DLGAP2: variants seen among roughly 807,000 people sequenced by gnomAD.
DLGAP2 encodes the protein DLG associated protein 2.
In DLGAP2, 26 loss-of-function variants were observed where a neutral mutation model predicts 100.3. The observed-to-expected ratio is 0.26, with a 90% CI of 0.19 to 0.36. The LOEUF is 0.36. DLGAP2 is among the 10% of genes least tolerant of loss of function. DLGAP2 has a pLI of 1.00. For missense variants in DLGAP2, 1,858 were observed against 1,453.2 expected (o/e 1.28, Z -4.53); for synonymous variants, 886 against 630.1 (o/e 1.41, Z -6.08).
At chr8:1,333,899 T>G (rs550113646) in intron 3 of DLGAP2, among the ~76,000 whole-genome samples, 1 of 152,362 alleles carries the variant, frequency 6.6e-6, no homozygotes, top group Admixed American at 6.5e-5. Context: ...GGTGCATCCT[T>G]GCCTCCCATC....
chr8:1,592,666 A>AT (rs1796327665), intron 6 of DLGAP2, among the ~76,000 whole-genome samples: 2 of 151,998 alleles, frequency 1.3e-5, no homozygotes, highest in South Asian at 2.1e-4. Context: ...TCCGTGTGTC[A>AT]TTTTTCTGTA....
chr8:1,433,612 G>A (rs1007538127), intron 3 of DLGAP2, among the ~76,000 whole-genome samples: 1 of 143,844 alleles, frequency 7.0e-6, no homozygotes, highest in African/African-American at 2.5e-5. Context: ...GGCAGCCAAC[G>A]CAGCTGACCG....
chr8:770,693 G>A (rs984117579), intron 1 of DLGAP2, among the ~76,000 whole-genome samples: 2 of 152,158 alleles, frequency 1.3e-5, no homozygotes, highest in African/African-American at 4.8e-5. Context: ...TGTGGGATGT[G>A]ATTGCTGGGC....
intron 2 of DLGAP2, among the ~76,000 whole-genome samples, chr8:1,142,571 G>A (rs1412024248): frequency 6.6e-6 from 1 of 152,204 alleles, no homozygotes; most frequent in African/African-American, 2.4e-5. Flanking sequence ...GTGAAGAGCT[G>A]AAAAGGGCAG....
chr8:1,105,780 G>C (rs1804739994), intron 2 of DLGAP2, among the ~76,000 whole-genome samples: 1 of 148,060 alleles, frequency 6.8e-6, no homozygotes, highest in Admixed American at 6.7e-5. Context: ...ATTCTAGGAG[G>C]GTTTTCTACT....
At chr8:1,410,382 A>C (rs545490555) in intron 3 of DLGAP2, among the ~76,000 whole-genome samples, 1 of 152,164 alleles carries the variant, frequency 6.6e-6, no homozygotes, top group Non-Finnish European at 1.5e-5. Flanking sequence ...AGCAGACGCC[A>C]GTCTGACCCC....
intron 11 of DLGAP2, among the ~76,000 whole-genome samples, 171 bp from the exon 12 acceptor site, chr8:1,678,043 A>G (rs150452439): frequency 1.3e-5 from 2 of 152,346 alleles, no homozygotes; most frequent in East Asian, 1.9e-4. Context: ...GCAAAACCAA[A>G]TGTTCTTCCA....
intron 2 of DLGAP2, among the ~76,000 whole-genome samples, chr8:938,631 C>A (rs768870605): frequency 2.0e-5 from 3 of 152,220 alleles, no homozygotes; most frequent in Non-Finnish European, 2.9e-5. Flanking sequence ...GATGGCCACA[C>A]TGGCCTCCTG....
At chr8:1,039,096 G>GCCAACCTGC in intron 2 of DLGAP2, among the ~76,000 whole-genome samples, 1 of 152,258 alleles carries the variant, frequency 6.6e-6, no homozygotes, top group East Asian at 1.9e-4. Flanking sequence ...CCTCATTGGA[G>GCCAACCTGC]CAAACTCACC....
chr8:1,586,598 A>G (rs1796128207), intron 6 of DLGAP2, among the ~76,000 whole-genome samples: 1 of 152,184 alleles, frequency 6.6e-6, no homozygotes, highest in African/African-American at 2.4e-5. Context: ...CTTGATGTGT[A>G]GCGTAACGTG....
At chr8:784,992 G>A (rs1032492728) in intron 1 of DLGAP2, among the ~76,000 whole-genome samples, 6 of 151,920 alleles carry the variant, frequency 3.9e-5, no homozygotes, top group African/African-American at 1.5e-4. Flanking sequence ...CGGATCACAA[G>A]GTCAGGAGAT....
At chr8:1,187,005 G>T (rs1008141287) in intron 2 of DLGAP2, among the ~76,000 whole-genome samples, 3 of 152,090 alleles carry the variant, frequency 2.0e-5, no homozygotes, top group Non-Finnish European at 4.4e-5. Context: ...ATCTAAGCCC[G>T]GCCTCAGTGC....
At position 1,483,098 on chromosome 8, in the gene DLGAP2, G is replaced by T. The variant is rs559666304; in HGVS notation, c.107-18268G>T. 3.0e-4 allele frequency among the ~76,000 whole-genome samples: 45 copies of T among 152,294 alleles called. No homozygotes were observed. In the East Asian group the frequency reaches 8.6e-3, roughly 29 times the overall value. On this transcript the variant is annotated intron_variant, in intron 3 of 14. Coordinates refer to ENST00000637795, the MANE Select transcript of DLGAP2 (RefSeq NM_001346810.2). ...GCAAGGGAGCCCCGCGGCAGCCTGG[G>T]AGATAAACCACGCTCGGTGCCGGCA...
chr8:1,219,514 T>G (rs1221111211), intron 2 of DLGAP2, among the ~76,000 whole-genome samples: 1 of 152,148 alleles, frequency 6.6e-6, no homozygotes, highest in Non-Finnish European at 1.5e-5. Context: ...TGGATTTGAT[T>G]TGTTAGTATT....
intron 3 of DLGAP2, among the ~76,000 whole-genome samples, chr8:1,460,338 G>T (rs1188119436): frequency 6.6e-6 from 1 of 152,160 alleles, no homozygotes. Flanking sequence ...CTAAACCACG[G>T]GCTCTGATGT....
intron 1 of DLGAP2, among the ~76,000 whole-genome samples, chr8:880,134 G>A (rs1034404884): frequency 2.0e-5 from 3 of 152,048 alleles, no homozygotes; most frequent in Admixed American, 6.5e-5. Flanking sequence ...CTTTGCATCC[G>A]TGGTGTTTGT....
intron 2 of DLGAP2, among the ~76,000 whole-genome samples, chr8:1,155,540 A>C (rs1222364059): frequency 6.6e-6 from 1 of 152,046 alleles, no homozygotes; most frequent in Non-Finnish European, 1.5e-5. Flanking sequence ...ACGACAGCAT[A>C]TGTGATGTGT....
chr8:770,426 A>T (rs1821327221), intron 1 of DLGAP2, among the ~76,000 whole-genome samples: 1 of 152,158 alleles, frequency 6.6e-6, no homozygotes, highest in Non-Finnish European at 1.5e-5. Flanking sequence ...CTGACTGATG[A>T]CCAAAGACTT....
intron 2 of DLGAP2, among the ~76,000 whole-genome samples, chr8:987,177 G>C (rs1185140358): frequency 1.3e-5 from 2 of 152,164 alleles, no homozygotes; most frequent in Non-Finnish European, 2.9e-5. Flanking sequence ...CCGGAGGTTG[G>C]TTTGTGATGG....
Sources: allele counts gnomAD v4.1 joint callset (sites outside exome capture counted in the v4.1 genomes callset), GRCh38; gene constraint gnomAD v4.1.1; transcripts MANE v1.5; gene names NCBI Gene and HGNC (gene_info 2026-07-23, HGNC 2026-07-21).